Variants in PRKAR1B observed in about 807,000 individuals in gnomAD.
The protein encoded by PRKAR1B is protein kinase cAMP-dependent type I regulatory subunit beta, also known as cAMP-dependent protein kinase type I-beta regulatory subunit.
A neutral mutation model predicts 46.5 loss-of-function variants in PRKAR1B; 22 were observed. That is an observed-to-expected ratio of 0.47 (90% CI 0.34 to 0.68). The LOEUF is 0.68. Ranked by LOEUF, PRKAR1B falls within the 30% of genes least tolerant of loss-of-function variation. The pLI is 0.01. For missense variants in PRKAR1B, 445 were observed against 535.6 expected, an observed-to-expected ratio of 0.83 and a Z score of 1.67; for synonymous variants, 259 against 217.7, an observed-to-expected ratio of 1.19 and a Z score of -1.67.
intron 4 of PRKAR1B, among the ~76,000 whole-genome samples, chr7:609,161 C>G (rs994079974): frequency 1.6e-4 from 24 of 152,116 alleles, no homozygotes; most frequent in Non-Finnish European, 4.4e-5. Flanking sequence ...CACCTGGCCC[C>G]GGTGGGGACA....
rs374806508 is a variant in PRKAR1B, at chr7:698,907, C to G, written c.177+12422G>C. ...GCTGTCTCCCCACCCCACCTCTCCC[C>G]ACGCAGCAGCAGCAGCTGGTGATTC... On this transcript the variant is annotated intron_variant, in intron 2 of 10. Transcript: ENST00000537384. Among the ~76,000 whole-genome samples, 244 of 152,360 alleles carry G rather than the reference C, an allele frequency of 1.6e-3. 1 individual carries two copies. The highest frequency in any genetic ancestry group is 5.6e-3 in the African/African-American group (234 of 41,592).
At chr7:697,472 A>G (rs949110299) in intron 2 of PRKAR1B, among the ~76,000 whole-genome samples, 1 of 152,150 alleles carries the variant, frequency 6.6e-6, no homozygotes, top group African/African-American at 2.4e-5. Context: ...GAGGGCGTCT[A>G]GGCTTCCACG....
chr7:683,831 C>T (rs1778842604), intron 2 of PRKAR1B, among the ~76,000 whole-genome samples: 2 of 152,230 alleles, frequency 1.3e-5, no homozygotes, highest in Non-Finnish European at 2.9e-5. Flanking sequence ...CAATCCCACC[C>T]GCTCCTCACC....
At chr7:672,413 G>C (rs1416202557) in intron 4 of PRKAR1B, among the ~76,000 whole-genome samples, 9 of 151,838 alleles carry the variant, frequency 5.9e-5, no homozygotes, top group Non-Finnish European at 1.2e-4. Flanking sequence ...CAGCCTCCCA[G>C]AGTGTTGGGA....
At chr7:552,905 C>T (rs746411708) in intron 9 of PRKAR1B, among the ~76,000 whole-genome samples, 3 of 152,230 alleles carry the variant, frequency 2.0e-5, no homozygotes, top group Non-Finnish European at 2.9e-5. Context: ...ACCCCCGACA[C>T]GGGGAAGTGG....
At chr7:630,554 T>A (rs1339493200) in intron 4 of PRKAR1B, among the ~76,000 whole-genome samples, 4 of 152,190 alleles carry the variant, frequency 2.6e-5, no homozygotes, top group Non-Finnish European at 4.4e-5. Context: ...TATTATTGTT[T>A]TAATTTGGTC....
intron 4 of PRKAR1B, among the ~76,000 whole-genome samples, chr7:662,196 C>T (rs1341113600): frequency 3.0e-5 from 3 of 101,424 alleles, no homozygotes; most frequent in Non-Finnish European, 6.1e-5. Context: ...CTCTCCCCCC[C>T]ATGGCACAGG....
chr7:579,191 A>G, intron 9 of PRKAR1B, 65 bp downstream of exon 9: 1 of 1,611,384 alleles, frequency 6.2e-7, no homozygotes, highest in South Asian at 1.1e-5. Context: ...GTGGAAGAGG[A>G]GAAGGTAAGA....
rs143800610 is a variant in PRKAR1B at position 617,802 on chromosome 7, C to T, written c.441-10350G>A. On this transcript the variant is annotated intron_variant, in intron 4 of 10. Transcript: ENST00000537384. ...AGAGCCCAGGACGTGGCAGGTCGGA[C>T]GGAAAGCAAACCCCTCCTGGGCCCC... 4.5e-3 allele frequency among the ~76,000 whole-genome samples: 679 copies of T among 152,316 alleles called. 6 individuals are homozygous for T. The highest frequency in any genetic ancestry group is 0.015 in the African/African-American group (631 of 41,568).
intron 4 of PRKAR1B, among the ~76,000 whole-genome samples, chr7:626,901 G>A (rs950203263): frequency 1.3e-4 from 19 of 151,878 alleles, no homozygotes; most frequent in African/African-American, 4.1e-4. Context: ...TTATTAAGAT[G>A]GAGTCTCACT....
rs544472686 is a variant in PRKAR1B at position 691,723 on chromosome 7, C to T, written c.178-10997G>A. The T allele has an allele frequency of 3.0e-5, 38 of 1,247,138 alleles. No individual in the cohort carries two copies. In the East Asian group the frequency reaches 5.1e-4, roughly 17 times the overall value. 77.3% of individuals were successfully genotyped at this position (1,247,138 alleles called of 1,614,324 possible). On this transcript the variant is annotated intron_variant, in intron 2 of 10. Coordinates refer to ENST00000537384, the MANE Select transcript of PRKAR1B (RefSeq NM_001164760.2). ...AAGCAGCTCCTCGTGGACAAAACCC[C>T]GGGGAGGGGAATCCAGGGTGCTGAG... is the stretch of plus-strand genomic sequence containing the variant.
chr7:696,074 T>C (rs1206274191), intron 2 of PRKAR1B, among the ~76,000 whole-genome samples: 2 of 144,068 alleles, frequency 1.4e-5, no homozygotes, highest in Non-Finnish European at 1.5e-5. Flanking sequence ...GCTCAAGCAA[T>C]CCCTCCATCT....
At chr7:636,658 G>A (rs754613423) in intron 4 of PRKAR1B, among the ~76,000 whole-genome samples, 10 of 152,240 alleles carry the variant, frequency 6.6e-5, no homozygotes. Context: ...CCAGCCCGTG[G>A]CCACTGTGAG....
chr7:566,473 ATTG>A (rs1274157545), intron 9 of PRKAR1B, among the ~76,000 whole-genome samples: 4 of 151,910 alleles, frequency 2.6e-5, no homozygotes, highest in East Asian at 1.9e-4. Context: ...CACCATGACC[ATTG>A]TCATCATCAT....
chr7:727,535 C>T (rs1054398934), upstream of PRKAR1B: 13 of 289,572 alleles, frequency 4.5e-5, no homozygotes, highest in Middle Eastern at 9.4e-4. Flanking sequence ...CCCTGCCTCA[C>T]GTCCCGCCAC....
At chr7:599,040 G>A (rs1447014561) in intron 6 of PRKAR1B, among the ~76,000 whole-genome samples, 1 of 152,230 alleles carries the variant, frequency 6.6e-6, no homozygotes, top group East Asian at 1.9e-4. Context: ...CAGGACCCAG[G>A]GAAGCTGGAC....
At chr7:670,034 T>G (rs994231137) in intron 4 of PRKAR1B, among the ~76,000 whole-genome samples, 6 of 151,236 alleles carry the variant, frequency 4.0e-5, no homozygotes, top group Non-Finnish European at 5.9e-5. Context: ...CCCAGCTGAT[T>G]TTTTTTTGTA....
intron 8 of PRKAR1B, among the ~76,000 whole-genome samples, chr7:580,336 C>G (rs1780101346): frequency 6.6e-6 from 1 of 151,796 alleles, no homozygotes. Flanking sequence ...GGTGGATTGC[C>G]TGAGCTCAGG....
chr7:649,913 G>T (rs1309962251), intron 4 of PRKAR1B, among the ~76,000 whole-genome samples: 1 of 149,074 alleles, frequency 6.7e-6, no homozygotes, highest in Non-Finnish European at 1.5e-5. Flanking sequence ...TGCTGCCCAG[G>T]CTATGTTCAC....
Sources: allele counts gnomAD v4.1 joint callset (sites outside exome capture counted in the v4.1 genomes callset), GRCh38; gene constraint gnomAD v4.1.1; transcripts MANE v1.5; gene names NCBI Gene and HGNC (gene_info 2026-07-23, HGNC 2026-07-21).